Variants in DNMBP observed in about 807,000 individuals in gnomAD.
The protein encoded by DNMBP is dynamin binding protein, also known as dynamin-binding protein.
A neutral mutation model predicts 150.0 loss-of-function variants in DNMBP; 87 were observed. That is an observed-to-expected ratio of 0.58 (90% CI 0.49 to 0.69). The LOEUF (loss-of-function observed/expected upper bound fraction) is 0.69, where lower values mean the gene tolerates loss of function less well. Ranked by LOEUF, DNMBP falls within the 30% of genes least tolerant of loss-of-function variation. DNMBP has a pLI of 0.00. For synonymous variants in DNMBP, 711 were observed against 750.4 expected (o/e 0.95, Z 0.86); for missense variants, 1,774 against 1,949.0 (o/e 0.91, Z 1.69).
At chr10:100,005,660 C>CA (rs2041060301) in intron 1 of DNMBP, among the ~76,000 whole-genome samples, 1 of 149,318 alleles carries the variant, frequency 6.7e-6, no homozygotes, top group African/African-American at 2.5e-5. Flanking sequence ...GAGGCTGAGG[C>CA]AGGAAATGGC....
chr10:99,954,772 C>T (rs937116075), intron 4 of DNMBP, among the ~76,000 whole-genome samples: 1 of 135,656 alleles, frequency 7.4e-6, no homozygotes, highest in African/African-American at 2.8e-5. Flanking sequence ...AAAAAGAGGC[C>T]GGGCGTGGTG....
chr10:99,914,007 C>A, intron 4 of DNMBP: 1 of 1,506,036 alleles, frequency 6.6e-7, no homozygotes. Context: ...GGTAAGCAGG[C>A]GGGACAGAAT....
At chr10:100,006,725 C>T (rs1413190580) in intron 1 of DNMBP, among the ~76,000 whole-genome samples, 1 of 151,818 alleles carries the variant, frequency 6.6e-6, no homozygotes, top group East Asian at 1.9e-4. Context: ...CATGACCTTG[C>T]CACCCCTAAC....
intron 15 of DNMBP, 81 bp from the exon 16 acceptor site, chr10:99,880,442 C>A (rs1174566592): frequency 1.4e-6 from 2 of 1,426,404 alleles, no homozygotes; most frequent in African/African-American, 1.4e-5. Context: ...AGAAAAAAAA[C>A]TGATCTAGGT....
chr10:99,974,110 A>C (rs982223900), intron 1 of DNMBP, among the ~76,000 whole-genome samples: 5 of 152,202 alleles, frequency 3.3e-5, no homozygotes, highest in African/African-American at 1.2e-4. Context: ...GCAACACAGC[A>C]CGACTTCACC....
intron 4 of DNMBP, among the ~76,000 whole-genome samples, chr10:99,929,386 C>T (rs2040119929): frequency 6.6e-6 from 1 of 152,104 alleles, no homozygotes; most frequent in South Asian, 2.1e-4. Context: ...CATGAGAGCG[C>T]TATCCGAATG....
At chr10:99,922,933 C>T (rs1326206975) in intron 4 of DNMBP, among the ~76,000 whole-genome samples, 2 of 152,076 alleles carry the variant, frequency 1.3e-5, no homozygotes, top group South Asian at 2.1e-4. Context: ...TTCTCCTTTT[C>T]TTTTTCTTGA....
intron 6 of DNMBP, among the ~76,000 whole-genome samples, chr10:99,903,253 T>C (rs2039773191): frequency 6.6e-6 from 1 of 151,940 alleles, no homozygotes; most frequent in African/African-American, 2.4e-5. Flanking sequence ...AAGCTTCCCT[T>C]CTGTCTACTC....
intron 1 of DNMBP, among the ~76,000 whole-genome samples, chr10:100,002,076 T>G (rs745859154): frequency 5.3e-5 from 8 of 152,098 alleles, no homozygotes; most frequent in Non-Finnish European, 1.2e-4. Context: ...AAAATGAACA[T>G]GAGTTAATGA....
At chr10:99,949,850 T>C (rs1450147665) in intron 4 of DNMBP, among the ~76,000 whole-genome samples, 1 of 152,118 alleles carries the variant, frequency 6.6e-6, no homozygotes, top group African/African-American at 2.4e-5. Flanking sequence ...TTAAAAACAC[T>C]GCACACACAA....
At position 99,956,535 on chromosome 10, in the gene DNMBP, C is replaced by T. The variant is rs1398058055; in HGVS notation, c.939G>A (p.Gln313=). 1.9e-6 allele frequency: 3 copies of T among 1,614,016 alleles called. No individual in the cohort carries two copies. Among genetic ancestry groups the T allele is most frequent in the Non-Finnish European group, 2.5e-6 (3 of 1,180,022 alleles). Residue 313 remains glutamine, a synonymous_variant, in exon 4 of 17, where the codon CAG becomes CAA. Coordinates refer to ENST00000324109, the MANE Select transcript of DNMBP (RefSeq NM_015221.4). The part of the protein sequence containing the change: ...TRVEETMALP[Q]EGSLARIPET... Reference sequence around the variant, plus strand: ...CCGGGATCCTGGCAAGGCTGCCTTCCTGGGGCAGAGCCATGGTTTCCTCCA... The same window carrying T: ...CCGGGATCCTGGCAAGGCTGCCTTCTTGGGGCAGAGCCATGGTTTCCTCCA...
intron 4 of DNMBP, among the ~76,000 whole-genome samples, chr10:99,951,717 G>A (rs1422662606): frequency 6.6e-6 from 1 of 152,188 alleles, no homozygotes; most frequent in East Asian, 1.9e-4. Context: ...TTTACCCAAT[G>A]CCTGTATCCC....
chr10:99,956,436 G>A lies in DNMBP; in HGVS notation c.1038C>T (p.Ala346=), dbSNP rs1444319763. 1.1e-5 allele frequency: 18 copies of A among 1,613,880 alleles called. No individual in the cohort carries two copies. Among genetic ancestry groups the A allele is most frequent in the Middle Eastern group, 1.6e-4 (1 of 6,084 alleles). Residue 346 remains alanine (A), a synonymous_variant, in exon 4 of 17, where the codon GCC becomes GCT. Coordinates refer to ENST00000324109, the MANE Select transcript of DNMBP (RefSeq NM_015221.4). ...EQRHETSDHE[A]EEPDCIISEA... ...CAGAAATAATGCAGTCAGGCTCCTCGGCCTCATGGTCACTGGTTTCATGTC... is the reference window on the plus strand; with the variant it reads ...CAGAAATAATGCAGTCAGGCTCCTCAGCCTCATGGTCACTGGTTTCATGTC...
At chr10:99,892,727 C>G (rs1410070878) in intron 11 of DNMBP, among the ~76,000 whole-genome samples, 7 of 150,072 alleles carry the variant, frequency 4.7e-5, no homozygotes, top group Admixed American at 4.7e-4. Context: ...AAATCCCCCT[C>G]TGTGAGAAAC....
intron 4 of DNMBP, among the ~76,000 whole-genome samples, chr10:99,922,364 T>C (rs1349501714): frequency 2.0e-5 from 3 of 152,150 alleles, no homozygotes; most frequent in Non-Finnish European, 2.9e-5. Context: ...CTCATTATCT[T>C]GCCTTTCCTT....
At position 99,898,160 on chromosome 10, in the gene DNMBP, G is replaced by T; in HGVS notation, c.2846C>A (p.Pro949His). 6.2e-7 allele frequency: 1 copy of T among 1,614,092 alleles called. No individual in the cohort carries two copies. The highest frequency in any genetic ancestry group is 1.1e-5 in the South Asian group (1 of 91,076). The change falls in exon 9 of 17, where the codon CCT becomes CAT. Residue 949 changes from proline to histidine, a missense_variant. By Grantham distance (77) the Pro-to-His change is moderately conservative (BLOSUM62 -2). This residue lies in a region of DNMBP where 1,430 missense variants were observed against 1,492.5 expected (regional missense o/e 0.96). Coordinates refer to ENST00000324109, the MANE Select transcript of DNMBP (RefSeq NM_015221.4). ...GACCGCAAGGACTGCATTGGTTAAA[G>T]GCACTTTATCTGGGTGGGATTCTGG... ...STPESHPDKV[P>H]LTNAVLAVKE...
At chr10:99,917,844 G>A (rs2039980838) in intron 4 of DNMBP, among the ~76,000 whole-genome samples, 1 of 151,546 alleles carries the variant, frequency 6.6e-6, no homozygotes. Flanking sequence ...CCCACCTGTA[G>A]TGTAGTCCCA....
intron 11 of DNMBP, among the ~76,000 whole-genome samples, chr10:99,894,485 T>C (rs966840458): frequency 1.3e-5 from 2 of 152,200 alleles, no homozygotes; most frequent in African/African-American, 4.8e-5. Context: ...TTAGAGGCCT[T>C]ATTATAGCAA....
At chr10:99,885,618 G>T (rs2039444417) in intron 14 of DNMBP, 69 bp downstream of exon 14, 2 of 1,374,074 alleles carry the variant, frequency 1.5e-6, no homozygotes, top group African/African-American at 1.5e-5. Context: ...ATCTGGGCCT[G>T]GGGGCCTGGC....
Sources: gnomAD v4.1 joint callset for allele counts (sites outside exome capture counted in the v4.1 genomes callset) on GRCh38, gnomAD v4.1.1 for gene constraint, gnomAD v4.1.1 regional missense constraint, MANE v1.5 for transcripts, NCBI Gene and HGNC (gene_info 2026-07-23, HGNC 2026-07-21) for gene names.